Variants in SMC6 observed in about 807,000 individuals in gnomAD.
SMC6 encodes the protein structural maintenance of chromosomes 6.
SMC6 carries 79 observed loss-of-function variants against 142.2 expected under a neutral mutation model. That is an observed-to-expected ratio of 0.56 (90% CI 0.46 to 0.67). The LOEUF (loss-of-function observed/expected upper bound fraction) is 0.67. Ranked by LOEUF, SMC6 falls within the 30% of genes least tolerant of loss-of-function variation. The pLI, the probability that SMC6 is intolerant of heterozygous loss-of-function variation, is 0.00. For missense variants in SMC6, 1,072 were observed against 1,284.0 expected, an observed-to-expected ratio of 0.83 and a Z score of 2.52; for synonymous variants, 411 against 412.4, an observed-to-expected ratio of 1.00 and a Z score of 0.04.
At chr2:17,690,201 T>A (rs908316605) in intron 23 of SMC6, among the ~76,000 whole-genome samples, 1 of 152,216 alleles carries the variant, frequency 6.6e-6, no homozygotes, top group South Asian at 2.1e-4. Context: ...GAAAAATAAA[T>A]AGCTTTTGCT....
intron 5 of SMC6, among the ~76,000 whole-genome samples, chr2:17,732,281 TAAAG>T (rs1669949455): frequency 6.6e-6 from 1 of 152,204 alleles, no homozygotes; most frequent in Non-Finnish European, 1.5e-5. Context: ...AGTAGGCCTT[TAAAG>T]AATGATGAAG....
chr2:17,713,647 T>A (rs573666194), intron 16 of SMC6: 1 of 398,032 alleles, frequency 2.5e-6, no homozygotes, highest in East Asian at 8.0e-5. Flanking sequence ...AGCTAGTCAC[T>A]CTAACCAGAA....
intron 10 of SMC6, 30 bp from the exon 11 acceptor site, chr2:17,721,068 C>A: frequency 6.2e-7 from 1 of 1,612,626 alleles, no homozygotes; most frequent in South Asian, 1.1e-5. Flanking sequence ...GCAAATTGAT[C>A]AGATTAACAA....
Position 17,726,421 on chromosome 2 carries a change from A to C in SMC6, c.592T>G (p.Leu198Val). The C allele has an allele frequency of 6.2e-7, 1 of 1,612,432 alleles. No homozygotes were observed. Among genetic ancestry groups the C allele is most frequent in the South Asian group, 1.1e-5 (1 of 90,738 alleles). ...TTGTCTCCTTCATTTTTAGACTGTA[A>C]GAACTGCTTGCTCATTTCTTGTGTT... ...VLTQEMSKQF[L>V]QSKNEGDKYK... is the part of the protein sequence containing the mutation. Residue 198 changes from leucine to valine, a missense_variant, in exon 8 of 28, where the codon TTA becomes GTA. By Grantham distance (32) the Leu-to-Val change is conservative. This residue lies in a region of SMC6 where 994 missense variants were observed against 1,153.2 expected (regional missense o/e 0.86). Coordinates refer to ENST00000448223, the MANE Select transcript of SMC6 (RefSeq NM_001142286.2).
At chr2:17,741,851 T>A in intron 3 of SMC6, 122 bp from the exon 4 acceptor site, 1 of 578,118 alleles carries the variant, frequency 1.7e-6, no homozygotes, top group Admixed American at 3.0e-5. Flanking sequence ...AGAAAGTGAA[T>A]AATGGTAACT....
chr2:17,680,002 C>G (rs1667169957), intron 24 of SMC6: 2 of 152,288 alleles, frequency 1.3e-5, no homozygotes, highest in East Asian at 3.9e-4. Flanking sequence ...GCCTGAGTTT[C>G]CTTCTGCTGC....
Position 17,738,302 on chromosome 2 carries a change from G to A in SMC6, c.263C>T (p.Ala88Val). The change falls in exon 5 of 28, where the codon GCT becomes GTT. Residue 88 changes from alanine to valine, a missense_variant. Transcript: ENST00000448223. ...TCTTCCACCAAGACCGACTATGAGA[G>A]CTGTGAGTACTGCACTCTTCCCACC... is the stretch of plus-strand genomic sequence containing the variant. Reference protein sequence around the residue: ...NGSGKSAVLTALIVGLGGRAV... With the variant: ...NGSGKSAVLTVLIVGLGGRAV... The A allele has an allele frequency of 6.2e-7, 1 of 1,613,220 alleles. No individual in the cohort carries two copies. Among genetic ancestry groups the A allele is most frequent in the Non-Finnish European group, 8.5e-7 (1 of 1,179,752 alleles).
intron 9 of SMC6, among the ~76,000 whole-genome samples, chr2:17,724,635 T>C (rs1370942023): frequency 6.6e-6 from 1 of 152,158 alleles, no homozygotes; most frequent in Non-Finnish European, 1.5e-5. Context: ...CTGAAGAAAG[T>C]ATAAGAACAA....
At chr2:17,691,844 T>C (rs1203051520) in intron 23 of SMC6, among the ~76,000 whole-genome samples, 1 of 152,204 alleles carries the variant, frequency 6.6e-6, no homozygotes, top group Admixed American at 6.5e-5. Flanking sequence ...CTCCTTAAGC[T>C]GATAGGCAAC....
chr2:17,671,110 G>A (rs1361338350), intron 25 of SMC6, among the ~76,000 whole-genome samples: 1 of 150,948 alleles, frequency 6.6e-6, no homozygotes, highest in Non-Finnish European at 1.5e-5. Flanking sequence ...CTCGGTTCAA[G>A]CAATCCTCCC....
intron 26 of SMC6, among the ~76,000 whole-genome samples, chr2:17,666,730 C>T (rs745527479): frequency 1.7e-4 from 26 of 152,084 alleles, no homozygotes; most frequent in Non-Finnish European, 2.8e-4. Flanking sequence ...TGTTTGTAAT[C>T]CCAATGCTTT....
chr2:17,680,853 A>C (rs1193023730), intron 24 of SMC6: 4 of 152,202 alleles, frequency 2.6e-5, no homozygotes, highest in Non-Finnish European at 4.4e-5. Flanking sequence ...AGAATGGTAA[A>C]TAAACATTGG....
chr2:17,739,804 G>A (rs1670334096), intron 4 of SMC6, among the ~76,000 whole-genome samples: 1 of 149,258 alleles, frequency 6.7e-6, no homozygotes, highest in Non-Finnish European at 1.5e-5. Context: ...CCCGGAGAGA[G>A]AGATCCTTTC....
chr2:17,688,328 A>C (rs1667552075), intron 23 of SMC6, among the ~76,000 whole-genome samples: 1 of 151,898 alleles, frequency 6.6e-6, no homozygotes, highest in Non-Finnish European at 1.5e-5. Context: ...AAAAAAAAAA[A>C]AAACAAGAAG....
In SMC6 at chr2:17,669,577, G is replaced by A. The variant is rs75840349; in HGVS notation, c.3063+846C>T. Among the ~76,000 whole-genome samples, 409 of 152,274 alleles carry A rather than the reference G, an allele frequency of 2.7e-3. 11 individuals are homozygous for A. The East Asian group carries it at 0.063, about 24-fold the overall frequency. ...ATAGAAAAACAGGAAAACCAGGAAA[G>A]AGAGGGTGGCAGCTGGTAAGAAGAC... On this transcript the variant is annotated intron_variant, in intron 26 of 27. Coordinates refer to ENST00000448223, the MANE Select transcript of SMC6 (RefSeq NM_001142286.2).
At chr2:17,727,390 T>C (rs934642311) in intron 7 of SMC6, among the ~76,000 whole-genome samples, 3 of 152,130 alleles carry the variant, frequency 2.0e-5, no homozygotes, top group African/African-American at 7.2e-5. Flanking sequence ...TCTCAAACAT[T>C]AGACTCCAAG....
intron 24 of SMC6, chr2:17,681,337 C>A: frequency 6.6e-6 from 1 of 152,344 alleles, no homozygotes. Context: ...ATTTTCTTAT[C>A]ATTAGTGTAT....
intron 26 of SMC6, among the ~76,000 whole-genome samples, chr2:17,668,973 A>T (rs908430583): frequency 2.0e-5 from 3 of 152,192 alleles, no homozygotes; most frequent in Admixed American, 6.5e-5. Flanking sequence ...CGGACCGAAG[A>T]AGGAGCCACA....
At chr2:17,735,783 AAT>A (rs930354562) in intron 5 of SMC6, among the ~76,000 whole-genome samples, 6 of 152,202 alleles carry the variant, frequency 3.9e-5, no homozygotes, top group African/African-American at 1.4e-4. Context: ...AGTCCCAGGC[AAT>A]GTCTCAAGGT....
Sources: allele counts gnomAD v4.1 joint callset (sites outside exome capture counted in the v4.1 genomes callset), GRCh38; gene constraint gnomAD v4.1.1; regional missense constraint gnomAD v4.1.1; transcripts MANE v1.5; gene names NCBI Gene and HGNC (gene_info 2026-07-23, HGNC 2026-07-21).